PRTG: variants seen among roughly 807,000 people sequenced by gnomAD.
PRTG encodes the protein protogenin, also known as immunoglobulin superfamily, DCC subclass, member 5.
PRTG carries 67 observed loss-of-function variants against 122.5 expected under a neutral mutation model. That is an observed-to-expected ratio of 0.55 (90% CI 0.45 to 0.67). The LOEUF (loss-of-function observed/expected upper bound fraction) is 0.67, where lower values mean the gene tolerates loss of function less well. Among genes scored for constraint, PRTG ranks in the 30% least tolerant of loss-of-function variants. The pLI is 0.00. For missense variants in PRTG, 1,435 were observed against 1,415.4 expected (o/e 1.01, Z -0.22); for synonymous variants, 554 against 501.1 (o/e 1.11, Z -1.41).
intron 2 of PRTG, among the ~76,000 whole-genome samples, chr15:55,692,964 C>G (rs2059612628): frequency 6.6e-6 from 1 of 151,318 alleles, no homozygotes; most frequent in East Asian, 2.0e-4. Flanking sequence ...CTTCAGCCTC[C>G]CCAGTAGCTA....
Position 55,638,549 on chromosome 15 carries a change from C to T in PRTG, c.2452G>A (p.Ala818Thr), listed in dbSNP as rs2059270788. Residue 818 changes from alanine (A) to threonine (T), a missense_variant and splice_region_variant, in exon 14 of 20, where the codon GCA becomes ACA. Transcript: ENST00000389286. The part of the protein sequence containing the change: ...PVVYHSTLPE[A>T]PAGPPVGVKV... ...ATCTATAGGGAGCTGTTTTCTTTAC[C>T]TTCTGGAAGAGTAGAATGGTAGACT... 1.3e-6 allele frequency: 2 copies of T among 1,595,176 alleles called. No homozygotes were observed. The highest frequency in any genetic ancestry group is 1.7e-6 in the Non-Finnish European group (2 of 1,174,054).
intron 5 of PRTG, 29 bp downstream of exon 5, chr15:55,680,462 C>T: frequency 4.9e-6 from 6 of 1,234,730 alleles, no homozygotes; most frequent in South Asian, 1.6e-5. Flanking sequence ...AAGGAAAAGA[C>T]TTTTTTTTTT....
At chr15:55,692,021 A>C (rs1416044781) in intron 2 of PRTG, among the ~76,000 whole-genome samples, 1 of 152,162 alleles carries the variant, frequency 6.6e-6, no homozygotes, top group Non-Finnish European at 1.5e-5. Context: ...TGGGCAACAG[A>C]ATGAGACCTT....
At position 55,618,410 on chromosome 15, in the gene PRTG, C is replaced by T. The variant is rs1004320558; in HGVS notation, c.*1602G>A. The T allele has an allele frequency of 3.3e-5, 5 of 152,166 alleles. No homozygotes were observed. The highest frequency in any genetic ancestry group is 9.7e-5 in the African/African-American group (4 of 41,444). 9.4% of individuals were successfully genotyped at this position (152,166 alleles called of 1,614,324 possible). A position where few individuals can be genotyped will look rare whatever the true frequency, so the allele number is the denominator to read the frequency against. The stretch of plus-strand genomic sequence containing the variant: ...CTTTTAAAATGAGAATCAAAAGTCA[C>T]TTCCAGAAAATTTGAAAAAATACTT... On this transcript the variant is annotated 3_prime_UTR_variant, in exon 20 of 20. Coordinates refer to ENST00000389286, the MANE Select transcript of PRTG (RefSeq NM_173814.6).
At chr15:55,668,926 T>C (rs528927347) in intron 11 of PRTG, among the ~76,000 whole-genome samples, 1 of 152,332 alleles carries the variant, frequency 6.6e-6, no homozygotes, top group South Asian at 2.1e-4. Context: ...GTGCAGATAT[T>C]GGAAAAATCG....
intron 2 of PRTG, among the ~76,000 whole-genome samples, chr15:55,729,740 T>C (rs1427324314): frequency 2.0e-5 from 3 of 152,198 alleles, no homozygotes; most frequent in African/African-American, 7.2e-5. Context: ...TGACATGTAC[T>C]TAACCATTTA....
At chr15:55,629,819 A>ATTT (rs563897634) in intron 15 of PRTG, among the ~76,000 whole-genome samples, 3 of 140,052 alleles carry the variant, frequency 2.1e-5, no homozygotes, top group East Asian at 2.0e-4. Flanking sequence ...TACTGGTCTA[A>ATTT]TTTTTTTTTT....
intron 2 of PRTG, among the ~76,000 whole-genome samples, chr15:55,730,543 G>A (rs1447636319): frequency 2.0e-5 from 3 of 152,056 alleles, no homozygotes; most frequent in Non-Finnish European, 4.4e-5. Flanking sequence ...GCTCAAGCCT[G>A]TAATCCCAGC....
chr15:55,687,032 G>A (rs1016293356), intron 2 of PRTG, among the ~76,000 whole-genome samples: 3 of 152,136 alleles, frequency 2.0e-5, no homozygotes, highest in South Asian at 2.1e-4. Flanking sequence ...GCTCACTGAG[G>A]GGCAGCAGCA....
intron 2 of PRTG, among the ~76,000 whole-genome samples, chr15:55,695,129 A>G (rs1212168126): frequency 6.6e-6 from 1 of 152,218 alleles, no homozygotes; most frequent in Non-Finnish European, 1.5e-5. Context: ...ATAGTCAGAA[A>G]AAAAAACATT....
At chr15:55,726,020 T>C (rs192148487) in intron 2 of PRTG, among the ~76,000 whole-genome samples, 84 of 152,278 alleles carry the variant, frequency 5.5e-4, no homozygotes, top group African/African-American at 1.9e-3. Context: ...CTCGGCTCAC[T>C]GCAACTTCCG....
chr15:55,620,031 G>A lies in PRTG; in HGVS notation c.3434C>T (p.Thr1145Ile), dbSNP rs1442415047. Residue 1145 changes from threonine (T) to isoleucine (I), a missense_variant, in exon 20 of 20, where the codon ACC becomes ATC. Transcript: ENST00000389286. ...DEIHLSSVIS[T>I]TPPNL is the part of the protein sequence containing the mutation. Reference sequence around the variant, plus strand: ...AAAGAATCAGAGGTTGGGGGGTGTGGTACTTATAACTGAGGACAGATGTAT... The same window carrying A: ...AAAGAATCAGAGGTTGGGGGGTGTGATACTTATAACTGAGGACAGATGTAT... 8 of 1,614,138 alleles carry A rather than the reference G, an allele frequency of 5.0e-6. No individual in the cohort carries two copies. The highest frequency in any genetic ancestry group is 1.7e-4 in the Middle Eastern group (1 of 6,058).
intron 2 of PRTG, among the ~76,000 whole-genome samples, chr15:55,695,262 T>C (rs1567103610): frequency 6.6e-6 from 1 of 152,246 alleles, no homozygotes; most frequent in African/African-American, 2.4e-5. Flanking sequence ...ACGCTATGCA[T>C]GCTTCTAAAA....
At chr15:55,643,472 T>C (rs1189826542) in intron 11 of PRTG, among the ~76,000 whole-genome samples, 1 of 152,206 alleles carries the variant, frequency 6.6e-6, no homozygotes, top group Non-Finnish European at 1.5e-5. Flanking sequence ...CTTACTCTGT[T>C]GCCCAGGCTG....
rs1349080396 is a variant in PRTG at position 55,616,265 on chromosome 15, T to C, written c.*3747A>G. 6.6e-6 allele frequency: 1 copy of C among 152,084 alleles called. No individual in the cohort carries two copies. The highest frequency in any genetic ancestry group is 2.4e-5 in the African/African-American group (1 of 41,422). The allele number at this position is 152,084 out of a possible 1,614,324, so 9.4% of individuals were successfully genotyped here. On this transcript the variant is annotated 3_prime_UTR_variant, in exon 20 of 20. Transcript: ENST00000389286. ...ACATTTCAATTTAACAACTCTAAAT[T>C]CCAATCTCACACCTTTAAAGAGCAC... is the stretch of plus-strand genomic sequence containing the variant.
At chr15:55,658,440 C>T (rs776649138) in intron 11 of PRTG, among the ~76,000 whole-genome samples, 1 of 152,042 alleles carries the variant, frequency 6.6e-6, no homozygotes, top group Non-Finnish European at 1.5e-5. Context: ...CTCAGCCTCC[C>T]GAGTAGCTGG....
intron 11 of PRTG, among the ~76,000 whole-genome samples, chr15:55,662,085 A>C (rs1255494719): frequency 1.3e-5 from 2 of 152,220 alleles, no homozygotes; most frequent in Non-Finnish European, 2.9e-5. Flanking sequence ...TTTGTGTTTG[A>C]AATTTTTTGG....
At chr15:55,652,368 T>C (rs573220633) in intron 11 of PRTG, among the ~76,000 whole-genome samples, 1 of 152,308 alleles carries the variant, frequency 6.6e-6, no homozygotes, top group South Asian at 2.1e-4. Context: ...GTCTGAAGGA[T>C]GAAACCTAGT....
In PRTG at chr15:55,617,318, T is replaced by G. The variant is rs939970174; in HGVS notation, c.*2694A>C. The stretch of plus-strand genomic sequence containing the variant: ...AAGATTTACTTGCTGAAGAAAAAAC[T>G]ATACCTGAAATTCTTTGGAACGATC... On this transcript the variant is annotated 3_prime_UTR_variant, in exon 20 of 20. Transcript: ENST00000389286. 6.6e-6 allele frequency: 1 copy of G among 152,132 alleles called. No homozygotes were observed. Among genetic ancestry groups the G allele is most frequent in the African/African-American group, 2.4e-5 (1 of 41,462 alleles). The allele number at this position is 152,132 out of a possible 1,614,324, so 9.4% of individuals were successfully genotyped here. A position where few individuals can be genotyped will look rare whatever the true frequency, so the allele number is the denominator to read the frequency against.
Sources: gnomAD v4.1 joint callset for allele counts (sites outside exome capture counted in the v4.1 genomes callset) on GRCh38, gnomAD v4.1.1 for gene constraint, MANE v1.5 for transcripts, NCBI Gene and HGNC (gene_info 2026-07-23, HGNC 2026-07-21) for gene names.